MKLN1: variants seen among roughly 807,000 people sequenced by gnomAD.
MKLN1 encodes the protein muskelin.
In MKLN1, 18 loss-of-function variants were observed where a neutral mutation model predicts 99.0. That is an observed-to-expected ratio of 0.18 (90% confidence interval 0.13 to 0.27). The LOEUF is 0.27. MKLN1 is among the 10% of genes least tolerant of loss of function. The probability of loss-of-function intolerance (pLI) is 1.00; values close to 1 mark genes in which losing one functional copy is unlikely to be tolerated. For missense variants in MKLN1, 621 were observed against 875.9 expected (o/e 0.71, Z 3.67); for synonymous variants, 288 against 293.2 (o/e 0.98, Z 0.18).
At chr7:131,164,759 G>C (rs1796099753) in intron 2 of MKLN1, among the ~76,000 whole-genome samples, 1 of 152,188 alleles carries the variant, frequency 6.6e-6, no homozygotes, top group African/African-American at 2.4e-5. Context: ...AAGGAAGACA[G>C]AGAGAGAATG....
rs1195578866 is a variant in MKLN1, at chr7:131,349,246, A to G, written c.98+21249A>G. On this transcript the variant is annotated intron_variant, in intron 1 of 17. Transcript: ENST00000352689. Reference sequence around the variant, plus strand: ...AGTCTTGCTCTGTTGCCCAGGCTGGAGTACAGTGGCACGATCTCGGCTCAC... The same window carrying G: ...AGTCTTGCTCTGTTGCCCAGGCTGGGGTACAGTGGCACGATCTCGGCTCAC... Among the ~76,000 whole-genome samples, 7 of 151,010 alleles carry G rather than the reference A, an allele frequency of 4.6e-5. No individual in the cohort carries two copies. The South Asian group carries it at 1.5e-3, about 31-fold the overall frequency.
intron 1 of MKLN1, among the ~76,000 whole-genome samples, chr7:131,114,004 GC>G (rs1296661641): frequency 6.6e-6 from 1 of 152,166 alleles, no homozygotes; most frequent in Non-Finnish European, 1.5e-5. Flanking sequence ...AGCACGTGGG[GC>G]TAACAGTTTG....
At chr7:131,161,696 C>T (rs570005972) in intron 2 of MKLN1, among the ~76,000 whole-genome samples, 16 of 152,028 alleles carry the variant, frequency 1.1e-4, no homozygotes, top group African/African-American at 3.1e-4. Flanking sequence ...GGACTACAGG[C>T]GCCCGCCACC....
chr7:131,337,096 T>C (rs901491408), intron 1 of MKLN1, among the ~76,000 whole-genome samples: 22 of 152,208 alleles, frequency 1.4e-4, no homozygotes, highest in African/African-American at 5.1e-4. Flanking sequence ...AGACTTACTG[T>C]TGCTTCTTGG....
Position 131,282,784 on chromosome 7 carries a change from T to C in MKLN1, c.-179+79810T>C, listed in dbSNP as rs1488077053. Among the ~76,000 whole-genome samples the C allele has an allele frequency of 2.6e-5, 4 of 152,234 alleles. No individual in the cohort carries two copies. The East Asian group carries it at 7.7e-4, about 29-fold the overall frequency. ...AGAATCTCTTGGCAAGCCTTTTAAA[T>C]ATACAGATTCCAGAGTCTCATGTCA... On this transcript the variant is annotated intron_variant, in intron 3 of 7. Transcript: ENST00000416992.
chr7:131,287,569 T>C (rs1387151725), intron 3 of MKLN1, among the ~76,000 whole-genome samples: 2 of 152,154 alleles, frequency 1.3e-5, no homozygotes, highest in African/African-American at 2.4e-5. Flanking sequence ...CCTCTCAGGA[T>C]AAGGTCCTCC....
At chr7:131,176,924 A>C (rs1369715675) in intron 2 of MKLN1, among the ~76,000 whole-genome samples, 1 of 152,168 alleles carries the variant, frequency 6.6e-6, no homozygotes, top group African/African-American at 2.4e-5. Context: ...TAGCAGCTTC[A>C]TATAGGTAAA....
intron 1 of MKLN1, among the ~76,000 whole-genome samples, chr7:131,125,911 C>G (rs908318608): frequency 6.8e-5 from 10 of 147,332 alleles, no homozygotes; most frequent in Admixed American, 1.3e-4. Flanking sequence ...GAGGCTGAGG[C>G]AGGAGAATGG....
chr7:131,389,119 T>C, intron 4 of MKLN1, 147 bp downstream of exon 4: 1 of 528,432 alleles, frequency 1.9e-6, no homozygotes, highest in Non-Finnish European at 3.3e-6. Context: ...TTACATATTG[T>C]CTGTATCTGC....
chr7:131,478,202 G>A (rs1797018431), intron 16 of MKLN1, among the ~76,000 whole-genome samples: 1 of 152,104 alleles, frequency 6.6e-6, no homozygotes, highest in Non-Finnish European at 1.5e-5. Flanking sequence ...GAGACATCAG[G>A]TATTTTACAG....
chr7:131,211,496 T>G (rs886755227), intron 3 of MKLN1, among the ~76,000 whole-genome samples: 1 of 152,226 alleles, frequency 6.6e-6, no homozygotes, highest in African/African-American at 2.4e-5. Flanking sequence ...GTTAATTGGC[T>G]TATCATATTC....
intron 2 of MKLN1, among the ~76,000 whole-genome samples, chr7:131,166,339 C>T (rs1020432003): frequency 2.6e-5 from 4 of 152,252 alleles, no homozygotes; most frequent in South Asian, 2.1e-4. Flanking sequence ...TAGCCCATTC[C>T]GAACACACTG....
intron 9 of MKLN1, among the ~76,000 whole-genome samples, chr7:131,433,392 A>G (rs536266812): frequency 2.9e-4 from 44 of 152,306 alleles, no homozygotes; most frequent in South Asian, 1.0e-3. Flanking sequence ...AGCTTCAATC[A>G]CTTGGTTAAG....
chr7:131,126,047 TA>T (rs1263162707), intron 1 of MKLN1, among the ~76,000 whole-genome samples: 72 of 2,908 alleles, frequency 0.025, no homozygotes, highest in African/African-American at 0.033. Context: ...AATAAATAAA[TA>T]AATTAATTAA....
intron 2 of MKLN1, among the ~76,000 whole-genome samples, chr7:131,380,707 GT>G (rs1449997567): frequency 6.6e-6 from 1 of 152,140 alleles, no homozygotes; most frequent in East Asian, 1.9e-4. Flanking sequence ...GTATAAATTA[GT>G]TTTATTTAGT....
intron 1 of MKLN1, among the ~76,000 whole-genome samples, chr7:131,136,774 C>A (rs1435127940): frequency 1.3e-5 from 2 of 152,200 alleles, no homozygotes; most frequent in Non-Finnish European, 2.9e-5. Flanking sequence ...TTTGCCCACG[C>A]TGTTCCCTGG....
At chr7:131,454,785 G>C (rs1003371452) in intron 12 of MKLN1, among the ~76,000 whole-genome samples, 3 of 152,222 alleles carry the variant, frequency 2.0e-5, no homozygotes, top group Non-Finnish European at 4.4e-5. Context: ...CCTGATGACA[G>C]TAGAGAGATG....
intron 10 of MKLN1, among the ~76,000 whole-genome samples, chr7:131,440,029 A>G (rs967290353): frequency 6.6e-6 from 1 of 152,170 alleles, no homozygotes; most frequent in Non-Finnish European, 1.5e-5. Context: ...GAAGCCCACA[A>G]CAGTATAATA....
intron 1 of MKLN1, among the ~76,000 whole-genome samples, chr7:131,122,361 A>G (rs910130612): frequency 2.0e-5 from 3 of 152,250 alleles, no homozygotes; most frequent in Non-Finnish European, 1.5e-5. Flanking sequence ...GAGCTAACAC[A>G]TTGATGGGGC....
Sources: gnomAD v4.1 joint callset for allele counts (sites outside exome capture counted in the v4.1 genomes callset) on GRCh38, gnomAD v4.1.1 for gene constraint, MANE v1.5 for transcripts, NCBI Gene and HGNC (gene_info 2026-07-23, HGNC 2026-07-21) for gene names.